The following RALGAPB variants were observed in gnomAD, a reference collection of about 807,000 sequenced individuals.
RALGAPB encodes Ral GTPase activating protein non-catalytic subunit beta, also known as ral GTPase-activating protein subunit beta.
In RALGAPB, 25 loss-of-function variants were observed where a neutral mutation model predicts 161.1. The observed-to-expected ratio is 0.16, with a 90% confidence interval of 0.11 to 0.22. RALGAPB has a LOEUF of 0.22. Ranked by LOEUF, RALGAPB falls within the 10% of genes least tolerant of loss-of-function variation. The pLI is 1.00. For missense variants in RALGAPB, 1,391 were observed against 1,815.2 expected (o/e 0.77, Z 4.25); for synonymous variants, 629 against 626.1 (o/e 1.00, Z -0.07).
At position 38,541,114 on chromosome 20, in the gene RALGAPB, A is replaced by G; in HGVS notation, c.2636A>G (p.Glu879Gly). Reference protein sequence around the residue: ...SGSKSKNNEQEVKYKGDKEPN... With the variant: ...SGSKSKNNEQGVKYKGDKEPN... Reference sequence around the variant, plus strand: ...AGTAAGTCCAAGAACAATGAGCAAGAGGTCAAGTACAAAGGAGATAAGGAG... The same window carrying G: ...AGTAAGTCCAAGAACAATGAGCAAGGGGTCAAGTACAAAGGAGATAAGGAG... Residue 879 changes from glutamate (E) to glycine (G), a missense_variant, in exon 18 of 30, where the codon GAG becomes GGG. Glu to Gly is a moderately conservative substitution (Grantham distance 98, BLOSUM62 -2). Around this residue, in one of 3 missense-constraint regions of RALGAPB, gnomAD observed 946 missense variants for 1,257.2 expected, o/e 0.75. Transcript: ENST00000262879. The G allele has an allele frequency of 6.2e-7, 1 of 1,614,126 alleles. No homozygotes were observed. The highest frequency in any genetic ancestry group is 8.5e-7 in the Non-Finnish European group (1 of 1,179,992).
intron 13 of RALGAPB, among the ~76,000 whole-genome samples, chr20:38,527,933 G>C (rs2086521032): frequency 6.6e-6 from 1 of 152,182 alleles, no homozygotes; most frequent in South Asian, 2.1e-4. Flanking sequence ...ATGAGAAGCA[G>C]TGTGTTAGGC....
At position 38,501,630 on chromosome 20, in the gene RALGAPB, C is replaced by T. The variant is rs79100003; in HGVS notation, c.740+1997C>T. 5.6e-3 allele frequency among the ~76,000 whole-genome samples: 859 copies of T among 152,206 alleles called. 6 individuals are homozygous for T. Among genetic ancestry groups the T allele is most frequent in the African/African-American group, 0.019 (810 of 41,540 alleles). ...TGTTGGCCAGTCTGGTCTCCAACTC[C>T]TAGTCTCAAAACAATCCACCCATCT... On this transcript the variant is annotated intron_variant, in intron 5 of 29. Transcript: ENST00000262879.
intron 23 of RALGAPB, among the ~76,000 whole-genome samples, chr20:38,562,183 A>G (rs1029611863): frequency 6.6e-6 from 1 of 152,240 alleles, no homozygotes; most frequent in African/African-American, 2.4e-5. Flanking sequence ...AACTCTGTGA[A>G]GGCAGGGACA....
chr20:38,474,727 T>G (rs1278876788), intron 1 of RALGAPB, among the ~76,000 whole-genome samples: 2 of 152,216 alleles, frequency 1.3e-5, no homozygotes, highest in African/African-American at 4.8e-5. Context: ...TTTTCTGAGT[T>G]GTAGTTCTAT....
chr20:38,508,046 CTT>C (rs1397649928), intron 5 of RALGAPB, among the ~76,000 whole-genome samples: 2 of 151,486 alleles, frequency 1.3e-5, no homozygotes, highest in Non-Finnish European at 2.9e-5. Flanking sequence ...ACTATTATAA[CTT>C]AGTTATATGG....
chr20:38,560,065 G>T (rs1268030882), intron 23 of RALGAPB, among the ~76,000 whole-genome samples: 1 of 151,780 alleles, frequency 6.6e-6, no homozygotes, highest in East Asian at 1.9e-4. Context: ...TGTTTCAAAT[G>T]ATTTGTGAGC....
In RALGAPB at chr20:38,539,701, T is replaced by C; in HGVS notation, c.2380-75T>C. On this transcript the variant is annotated intron_variant, in intron 16 of 29. Coordinates refer to ENST00000262879, the MANE Select transcript of RALGAPB (RefSeq NM_020336.4). ...TATGACATTGTCAAATAGGTCAAGCTTCAGTGCAAATGCTTTGAAATTGGT... is the reference window on the plus strand; with the variant it reads ...TATGACATTGTCAAATAGGTCAAGCCTCAGTGCAAATGCTTTGAAATTGGT... 4 of 1,435,178 alleles carry C rather than the reference T, an allele frequency of 2.8e-6. No individual in the cohort carries two copies. The South Asian group carries it at 3.8e-5, about 14-fold the overall frequency. 88.9% of individuals were successfully genotyped at this position (1,435,178 alleles called of 1,614,324 possible). A position where few individuals can be genotyped will look rare whatever the true frequency, so the allele number is the denominator to read the frequency against.
intron 1 of RALGAPB, among the ~76,000 whole-genome samples, chr20:38,473,597 C>T (rs189675163): frequency 2.6e-5 from 4 of 152,216 alleles, no homozygotes; most frequent in African/African-American, 7.2e-5. Context: ...GATTGTTGTC[C>T]CCATTTTACT....
chr20:38,565,606 A>G, intron 25 of RALGAPB, 128 bp downstream of exon 25: 2 of 1,176,808 alleles, frequency 1.7e-6, no homozygotes, highest in Non-Finnish European at 2.3e-6. Context: ...GCATTATAAC[A>G]ATATGCAGAA....
intron 9 of RALGAPB, among the ~76,000 whole-genome samples, 189 bp from the exon 10 acceptor site, chr20:38,521,308 G>A (rs527463501): frequency 6.6e-6 from 1 of 152,178 alleles, no homozygotes; most frequent in South Asian, 2.1e-4. Flanking sequence ...TAAATTAATT[G>A]TAACCTATTT....
intron 1 of RALGAPB, among the ~76,000 whole-genome samples, chr20:38,481,610 G>T (rs1370338105): frequency 6.6e-6 from 1 of 152,154 alleles, no homozygotes; most frequent in Non-Finnish European, 1.5e-5. Context: ...CATGACATAT[G>T]GGAATTGTGG....
chr20:38,566,833 A>T (rs1013546074), intron 25 of RALGAPB, among the ~76,000 whole-genome samples: 7 of 152,260 alleles, frequency 4.6e-5, no homozygotes, highest in Non-Finnish European at 1.0e-4. Context: ...GGCACAAGCC[A>T]AATGCCGCCA....
chr20:38,528,510 A>C (rs2086543498), intron 13 of RALGAPB, among the ~76,000 whole-genome samples: 2 of 151,852 alleles, frequency 1.3e-5, no homozygotes, highest in Admixed American at 1.3e-4. Context: ...AGCTGGGACC[A>C]CAGGCGTGTG....
intron 17 of RALGAPB, 105 bp from the exon 18 acceptor site, chr20:38,540,936 A>T (rs1485716826): frequency 8.3e-7 from 1 of 1,207,890 alleles, no homozygotes; most frequent in Non-Finnish European, 1.2e-6. Context: ...AAGAAACTGG[A>T]GCCCTTCCAC....
At chr20:38,483,034 G>A (rs1388309993) in intron 1 of RALGAPB, among the ~76,000 whole-genome samples, 1 of 152,184 alleles carries the variant, frequency 6.6e-6, no homozygotes, top group African/African-American at 2.4e-5. Flanking sequence ...CTACAGGTGT[G>A]TGCCACCACG....
In RALGAPB at chr20:38,508,601, T is replaced by C. The variant is rs76411597; in HGVS notation, c.741-476T>C. Among the ~76,000 whole-genome samples the C allele has an allele frequency of 7.4e-3, 1,133 of 152,280 alleles. 14 individuals carry two copies. The highest frequency in any genetic ancestry group is 0.026 in the African/African-American group (1,091 of 41,562). On this transcript the variant is annotated intron_variant, in intron 5 of 29. Coordinates refer to ENST00000262879, the MANE Select transcript of RALGAPB (RefSeq NM_020336.4). ...AAGTATCTTAAATAATTTAAAACAC[T>C]CTTTTTTTGGTATACTTGTTTATTT...
chr20:38,565,969 A>G (rs951960762), intron 25 of RALGAPB, among the ~76,000 whole-genome samples: 1 of 152,162 alleles, frequency 6.6e-6, no homozygotes, highest in Non-Finnish European at 1.5e-5. Flanking sequence ...ATTGGGAGTA[A>G]TTATTACTTC....
intron 16 of RALGAPB, among the ~76,000 whole-genome samples, chr20:38,535,690 A>G (rs948376462): frequency 9.2e-5 from 14 of 152,100 alleles, no homozygotes; most frequent in African/African-American, 2.7e-4. Flanking sequence ...CTTCCAAGCA[A>G]TCCCCCTGCC....
chr20:38,532,394 G>A (rs1468672179), intron 14 of RALGAPB, among the ~76,000 whole-genome samples: 3 of 152,070 alleles, frequency 2.0e-5, no homozygotes, highest in Non-Finnish European at 2.9e-5. Flanking sequence ...CTGTTCTGAG[G>A]TTTTGCTTGG....
Sources: gnomAD v4.1 joint callset for allele counts (sites outside exome capture counted in the v4.1 genomes callset) on GRCh38, gnomAD v4.1.1 for gene constraint, gnomAD v4.1.1 regional missense constraint, MANE v1.5 for transcripts, NCBI Gene and HGNC (gene_info 2026-07-23, HGNC 2026-07-21) for gene names.